GABRA2: variants seen among roughly 807,000 people sequenced by gnomAD.
GABRA2 encodes gamma-aminobutyric acid type A receptor subunit alpha2, also known as gamma-aminobutyric acid receptor subunit alpha-2.
A neutral mutation model predicts 48.7 loss-of-function variants in GABRA2; 16 were observed. The observed-to-expected ratio is 0.33, with a 90% CI of 0.22 to 0.50. GABRA2 has a LOEUF of 0.50. GABRA2 is among the 20% of genes least tolerant of loss of function. GABRA2 has a pLI of 0.98. For missense variants in GABRA2, 275 were observed against 535.6 expected (o/e 0.51, Z 4.80); for synonymous variants, 185 against 184.5 (o/e 1.00, Z -0.02).
chr4:46,302,235 T>A (rs1318131032), intron 8 of GABRA2, among the ~76,000 whole-genome samples: 1 of 151,968 alleles, frequency 6.6e-6, no homozygotes. Context: ...CTTGGCTAAT[T>A]ATTTTTAGAG....
chr4:46,336,743 A>T (rs1378201687), intron 3 of GABRA2, among the ~76,000 whole-genome samples: 2 of 152,176 alleles, frequency 1.3e-5, no homozygotes, highest in Admixed American at 1.3e-4. Flanking sequence ...ACTGAGGAAC[A>T]CATAATGTAT....
intron 3 of GABRA2, among the ~76,000 whole-genome samples, chr4:46,356,153 C>A (rs1735925827): frequency 6.6e-6 from 1 of 152,152 alleles, no homozygotes; most frequent in Non-Finnish European, 1.5e-5. Flanking sequence ...ATATCTTCAA[C>A]CATTGCCCCA....
chr4:46,371,692 T>C (rs1365443405), intron 3 of GABRA2, among the ~76,000 whole-genome samples: 2 of 152,120 alleles, frequency 1.3e-5, no homozygotes, highest in Non-Finnish European at 2.9e-5. Flanking sequence ...CCTAAATTAA[T>C]GGTCAGTCTT....
chr4:46,300,201 T>C (rs1050788054), intron 8 of GABRA2, among the ~76,000 whole-genome samples: 1 of 151,982 alleles, frequency 6.6e-6, no homozygotes, highest in Non-Finnish European at 1.5e-5. Flanking sequence ...ACTTTACTAA[T>C]TTAATTCCTG....
In GABRA2 at chr4:46,289,915, T is replaced by TTTTAA. The variant is rs1365811920; in HGVS notation, c.856+13544_856+13545insTTAAA. 2.4e-3 allele frequency among the ~76,000 whole-genome samples: 300 copies of TTTTAA among 125,118 alleles called. 1 individual carries two copies. The highest frequency in any genetic ancestry group is 0.012 in the African/African-American group (266 of 22,188). The allele number at this position is 125,118 out of a possible 152,430, so 82.1% of individuals were successfully genotyped here. On this transcript the variant is annotated intron_variant, in intron 8 of 9. Transcript: ENST00000381620. ...TATTTATTTATTTATTTATTTTTAT[T>TTTTAA]TTTTTTTTTTTTTTGAGACTGAGTC...
At chr4:46,364,290 G>T (rs184773884) in intron 3 of GABRA2, 2 of 152,306 alleles carry the variant, frequency 1.3e-5, no homozygotes, top group African/African-American at 2.4e-5. Context: ...GAGATGGTAG[G>T]TGTAAAGTAC....
chr4:46,332,400 T>G (rs1180291432), intron 4 of GABRA2, among the ~76,000 whole-genome samples: 1 of 152,128 alleles, frequency 6.6e-6, no homozygotes, highest in African/African-American at 2.4e-5. Context: ...AGACATGTTT[T>G]GAAAATGACG....
At chr4:46,309,514 T>C (rs1727272386) in intron 6 of GABRA2, among the ~76,000 whole-genome samples, 1 of 151,974 alleles carries the variant, frequency 6.6e-6, no homozygotes. Context: ...GAATGTCATG[T>C]GGGCCTAGGG....
chr4:46,343,838 G>A (rs982480213), intron 3 of GABRA2, among the ~76,000 whole-genome samples: 11 of 151,840 alleles, frequency 7.2e-5, no homozygotes, highest in African/African-American at 2.7e-4. Context: ...ATCTAATTGG[G>A]GAGTTCCAGG....
rs1224172567 is a variant in GABRA2, at chr4:46,301,623, C to T, written c.856+1837G>A. 4.6e-5 allele frequency among the ~76,000 whole-genome samples: 7 copies of T among 152,168 alleles called. No homozygotes were observed. In the East Asian group the frequency reaches 1.2e-3, roughly 25 times the overall value. On this transcript the variant is annotated intron_variant, in intron 8 of 9. Coordinates refer to ENST00000381620, the MANE Select transcript of GABRA2 (RefSeq NM_000807.4). ...AGGATTCTTGCCCCATCTCATCTGCCTGGGAAAGTCCTACTCATCTTCCAA... is the reference window on the plus strand; with the variant it reads ...AGGATTCTTGCCCCATCTCATCTGCTTGGGAAAGTCCTACTCATCTTCCAA...
At chr4:46,282,601 A>C (rs182784337) in intron 8 of GABRA2, among the ~76,000 whole-genome samples, 98 of 152,318 alleles carry the variant, frequency 6.4e-4, no homozygotes, top group Admixed American at 2.5e-3. Context: ...ATATGATGTC[A>C]AAGAAGCTGG....
chr4:46,345,300 T>C (rs1350627008), intron 3 of GABRA2, among the ~76,000 whole-genome samples: 2 of 151,872 alleles, frequency 1.3e-5, no homozygotes, highest in Non-Finnish European at 2.9e-5. Flanking sequence ...AGTGTGAAAA[T>C]GGACTAATAC....
chr4:46,389,069 G>A (rs199813896), intron 1 of GABRA2: 19 of 1,019,282 alleles, frequency 1.9e-5, no homozygotes, highest in Non-Finnish European at 2.2e-5. Flanking sequence ...CTTTAAACTG[G>A]CATAGCAGCT....
intron 8 of GABRA2, among the ~76,000 whole-genome samples, chr4:46,290,199 C>T (rs1430930995): frequency 2.0e-5 from 3 of 151,842 alleles, no homozygotes; most frequent in Admixed American, 6.6e-5. Flanking sequence ...CCACCGCGCC[C>T]GGCCTGAGTA....
At chr4:46,373,265 T>C (rs1715217218) in intron 3 of GABRA2, among the ~76,000 whole-genome samples, 1 of 152,180 alleles carries the variant, frequency 6.6e-6, no homozygotes, top group East Asian at 1.9e-4. Context: ...CAGATTGTAA[T>C]GTAAATCCTA....
intron 3 of GABRA2, among the ~76,000 whole-genome samples, chr4:46,360,210 A>C: frequency 6.6e-6 from 1 of 152,324 alleles, no homozygotes; most frequent in Middle Eastern, 3.4e-3. Context: ...TGTATACATT[A>C]AATGTTTAAT....
intron 5 of GABRA2, among the ~76,000 whole-genome samples, chr4:46,310,463 T>C (rs1157316964): frequency 6.6e-6 from 1 of 152,178 alleles, no homozygotes; most frequent in Admixed American, 6.5e-5. Flanking sequence ...CTGAAAATAA[T>C]AATTAAAAAT....
At chr4:46,304,622 G>A (rs1182324253) in intron 7 of GABRA2, among the ~76,000 whole-genome samples, 1 of 151,842 alleles carries the variant, frequency 6.6e-6, no homozygotes. Flanking sequence ...TGAAAAAATA[G>A]AAAACTAAAG....
At chr4:46,261,396 G>A (rs936748818) in intron 9 of GABRA2, 5 of 158,438 alleles carry the variant, frequency 3.2e-5, no homozygotes, top group Admixed American at 3.0e-4. Context: ...ACTGGAACAG[G>A]TGAAGAGGAT....
Sources: allele counts gnomAD v4.1 joint callset (sites outside exome capture counted in the v4.1 genomes callset), GRCh38; gene constraint gnomAD v4.1.1; transcripts MANE v1.5; gene names NCBI Gene and HGNC (gene_info 2026-07-23, HGNC 2026-07-21).